The following IQSEC3 variants were observed in gnomAD, a reference collection of about 807,000 sequenced individuals.
IQSEC3 encodes IQ motif and Sec7 domain ArfGEF 3, also known as IQ motif and SEC7 domain-containing protein 3.
A neutral mutation model predicts 105.4 loss-of-function variants in IQSEC3; 50 were observed. The ratio of observed to expected loss-of-function variants is 0.47; its 90% confidence interval spans 0.38 to 0.60. The LOEUF is 0.60. Ranked by LOEUF, IQSEC3 falls within the 20% of genes least tolerant of loss-of-function variation. The pLI, the probability that IQSEC3 is intolerant of heterozygous loss-of-function variation, is 0.00. For missense variants in IQSEC3, 1,415 were observed against 1,630.0 expected (o/e 0.87, Z 2.27); for synonymous variants, 708 against 746.0 (o/e 0.95, Z 0.83).
At chr12:162,409 G>A (rs1555096553) in intron 8 of IQSEC3, among the ~76,000 whole-genome samples, 1 of 152,138 alleles carries the variant, frequency 6.6e-6, no homozygotes, top group Non-Finnish European at 1.5e-5. Context: ...TGGTCCTGAT[G>A]AGTGGAAGGC....
intron 3 of IQSEC3, among the ~76,000 whole-genome samples, chr12:127,143 A>G (rs1865442407): frequency 6.6e-6 from 1 of 152,226 alleles, no homozygotes; most frequent in Non-Finnish European, 1.5e-5. Flanking sequence ...GAGGCATACA[A>G]GTTACATTCA....
At position 138,446 on chromosome 12, in the gene IQSEC3, C is replaced by T. The variant is rs782371794; in HGVS notation, c.1083C>T (p.Ala361=). The T allele has an allele frequency of 1.2e-6, 2 of 1,604,742 alleles. No individual in the cohort carries two copies. The highest frequency in any genetic ancestry group is 8.5e-7 in the Non-Finnish European group (1 of 1,179,204). ...TGCGCAAGGTGCGGTCACCCACGGC[C>T]GAGAGCCTGGCGGCCGAGAAAGCGC... ...ISLRKVRSPT[A]ESLAAEKALM... The change falls in exon 4 of 14, where the codon GCC becomes GCT. Residue 361 remains alanine, a synonymous_variant. Transcript: ENST00000538872. This position sits in a 1 kb window ranked among gnomAD's most constrained non-coding sequence, Gnocchi z 7.1.
chr12:151,973 G>A lies in IQSEC3; in HGVS notation c.2154-5052G>A, dbSNP rs551144072. ...ATCTCCTTTGTCCTCTCCTGGAACC[G>A]TCGTTTCCCTACATAGAACTCATCA... On this transcript the variant is annotated intron_variant, in intron 5 of 13. Coordinates refer to ENST00000538872, the MANE Select transcript of IQSEC3 (RefSeq NM_001170738.2). Among the ~76,000 whole-genome samples the A allele has an allele frequency of 3.0e-4, 46 of 152,086 alleles. 1 individual carries two copies. The highest frequency in any genetic ancestry group is 1.8e-3 in the Admixed American group (27 of 15,278).
chr12:159,109 G>C (rs1465396008), intron 7 of IQSEC3, among the ~76,000 whole-genome samples: 1 of 152,240 alleles, frequency 6.6e-6, no homozygotes, highest in Non-Finnish European at 1.5e-5. Flanking sequence ...CCAAAGCTGA[G>C]TCTGCAAGTG....
At chr12:67,833 G>A (rs1176116208) in intron 1 of IQSEC3, among the ~76,000 whole-genome samples, 56 of 151,886 alleles carry the variant, frequency 3.7e-4, no homozygotes, top group Non-Finnish European at 2.5e-4. Context: ...AGGAAGTTTG[G>A]GTAGTAAAAG....
At chr12:87,781 C>G (rs782447997) in intron 1 of IQSEC3, among the ~76,000 whole-genome samples, 7 of 152,200 alleles carry the variant, frequency 4.6e-5, no homozygotes, top group Non-Finnish European at 8.8e-5. Context: ...GGAGGGAAGG[C>G]AAACAGCTCT....
At chr12:155,489 A>G (rs1329465256) in intron 5 of IQSEC3, among the ~76,000 whole-genome samples, 9 of 152,294 alleles carry the variant, frequency 5.9e-5, no homozygotes, top group African/African-American at 2.2e-4. Context: ...CTCCCTTTCT[A>G]AGAGTCTTCG....
intron 2 of IQSEC3, among the ~76,000 whole-genome samples, chr12:113,230 G>C (rs1312092300): frequency 6.6e-6 from 1 of 152,234 alleles, no homozygotes; most frequent in African/African-American, 2.4e-5. Flanking sequence ...TGCATTTTCC[G>C]AGTTACAGAA....
intron 1 of IQSEC3, among the ~76,000 whole-genome samples, chr12:82,661 A>G (rs183976811): frequency 7.9e-5 from 12 of 152,302 alleles, no homozygotes; most frequent in African/African-American, 2.9e-4. Flanking sequence ...TGCACTTACT[A>G]TGAGTGAGGC....
chr12:171,607 C>T (rs911418202), intron 13 of IQSEC3: 13 of 544,048 alleles, frequency 2.4e-5, no homozygotes, highest in Non-Finnish European at 3.9e-5. Context: ...GAGAATTACC[C>T]CTTAGGCCCC....
At chr12:68,544 G>C (rs1290067139) in intron 1 of IQSEC3, among the ~76,000 whole-genome samples, 5 of 152,254 alleles carry the variant, frequency 3.3e-5, no homozygotes, top group Non-Finnish European at 7.3e-5. Flanking sequence ...GTACTGGAAA[G>C]GCTGTGGCCA....
intron 9 of IQSEC3, among the ~76,000 whole-genome samples, chr12:164,971 G>C (rs1470228411): frequency 1.3e-5 from 2 of 148,924 alleles, no homozygotes; most frequent in Non-Finnish European, 2.9e-5. Context: ...TTGTTTTTTA[G>C]AGGAGGTGAT....
At chr12:149,713 C>T (rs1555092092) in intron 5 of IQSEC3, among the ~76,000 whole-genome samples, 3 of 152,100 alleles carry the variant, frequency 2.0e-5, no homozygotes, top group African/African-American at 4.8e-5. Flanking sequence ...AGGTGGGTTC[C>T]GGGGACAACG....
rs187503306 is a variant in IQSEC3, at chr12:173,127, C to T, written c.3115-1472C>T. ...GCAGGAGGGGAGAGGAGCCCGTGCC[C>T]TCCAGCGGCTTCTGCCTGAGTGAGG... On this transcript the variant is annotated intron_variant, in intron 13 of 13. Coordinates refer to ENST00000538872, the MANE Select transcript of IQSEC3 (RefSeq NM_001170738.2). Among the ~76,000 whole-genome samples the T allele has an allele frequency of 2.5e-3, 386 of 152,290 alleles. 3 individuals carry two copies. The highest frequency in any genetic ancestry group is 0.023 in the Admixed American group (355 of 15,302).
intron 2 of IQSEC3, among the ~76,000 whole-genome samples, chr12:110,920 TC>T (rs2136943321): frequency 6.6e-6 from 1 of 152,302 alleles, no homozygotes; most frequent in South Asian, 2.1e-4. Flanking sequence ...ATTCTCAATG[TC>T]CTTCTTACAT....
At chr12:94,529 G>C (rs1282091122) in intron 1 of IQSEC3, among the ~76,000 whole-genome samples, 1 of 152,252 alleles carries the variant, frequency 6.6e-6, no homozygotes, top group African/African-American at 2.4e-5. Flanking sequence ...GAGGAGCGCA[G>C]AGGCAGAACT....
chr12:146,008 T>TAGG (rs1866251930), intron 5 of IQSEC3, among the ~76,000 whole-genome samples: 1 of 152,202 alleles, frequency 6.6e-6, no homozygotes, highest in African/African-American at 2.4e-5. Context: ...GTCTGCTCCA[T>TAGG]CCTTTGTTAA....
At chr12:68,831 T>C (rs1291689323) in intron 1 of IQSEC3, among the ~76,000 whole-genome samples, 2 of 152,390 alleles carry the variant, frequency 1.3e-5, no homozygotes, top group East Asian at 1.9e-4. Context: ...ACAGAGCACG[T>C]TGATCAAAAC....
In IQSEC3 at chr12:138,330, C is replaced by A. The variant is rs782038819; in HGVS notation, c.967C>A (p.Gln323Lys). The A allele has an allele frequency of 6.2e-7, 1 of 1,613,918 alleles. No individual in the cohort carries two copies. ...LVSRRAACTI[Q>K]TAFRQYQLSK... is the part of the protein sequence containing the mutation. ...GTCCCGGCGCGCCGCTTGCACCATC[C>A]AAACCGCCTTCCGCCAATACCAGCT... The change falls in exon 4 of 14, where the codon CAA (glutamine) becomes AAA (lysine). Residue 323 changes from glutamine to lysine, a missense_variant. Gln to Lys is a moderately conservative substitution (Grantham distance 53). Transcript: ENST00000538872. The surrounding 1 kb of genome is among the most constrained non-coding windows in gnomAD (Gnocchi z 7.1).
Sources: allele counts gnomAD v4.1 joint callset (sites outside exome capture counted in the v4.1 genomes callset), GRCh38; gene constraint gnomAD v4.1.1; non-coding constraint Gnocchi (gnomAD v3.1); transcripts MANE v1.5; gene names NCBI Gene and HGNC (gene_info 2026-07-23, HGNC 2026-07-21).